The following EGFLAM variants were observed in gnomAD, a reference collection of about 807,000 sequenced individuals.
EGFLAM encodes the protein pikachurin.
A neutral mutation model predicts 113.1 loss-of-function variants in EGFLAM; 79 were observed. That is an observed-to-expected ratio of 0.70 (90% CI 0.58 to 0.84). The LOEUF (loss-of-function observed/expected upper bound fraction) is 0.84, where lower values mean the gene tolerates loss of function less well. Among genes scored for constraint, EGFLAM ranks in the 40% least tolerant of loss-of-function variants. The probability of loss-of-function intolerance (pLI) is 0.00; values close to 1 mark genes in which losing one functional copy is unlikely to be tolerated. For missense variants in EGFLAM, 1,265 were observed against 1,291.6 expected (o/e 0.98, Z 0.32); for synonymous variants, 504 against 487.6 (o/e 1.03, Z -0.44).
chr5:38,309,720 G>T (rs2111853867), intron 1 of EGFLAM, among the ~76,000 whole-genome samples: 1 of 152,272 alleles, frequency 6.6e-6, no homozygotes, highest in Non-Finnish European at 1.5e-5. Flanking sequence ...CCGTGTGGCT[G>T]GTGTCTGAGA....
chr5:38,434,140 G>A (rs1166559238), intron 15 of EGFLAM, among the ~76,000 whole-genome samples: 1 of 152,130 alleles, frequency 6.6e-6, no homozygotes, highest in African/African-American at 2.4e-5. Flanking sequence ...GGTGTGTAAG[G>A]CTCTGCATGC....
chr5:38,384,700 G>A (rs542610570), intron 6 of EGFLAM, among the ~76,000 whole-genome samples: 49 of 152,262 alleles, frequency 3.2e-4, no homozygotes, highest in African/African-American at 1.1e-3. Flanking sequence ...CCCAACAGAG[G>A]TTAAGAAAGT....
chr5:38,334,913 G>A (rs1739144645), intron 1 of EGFLAM, among the ~76,000 whole-genome samples: 1 of 152,096 alleles, frequency 6.6e-6, no homozygotes, highest in East Asian at 1.9e-4. Context: ...TTGCCCCTTG[G>A]GGAGCATTTG....
chr5:38,312,916 C>T (rs980383794), intron 1 of EGFLAM, among the ~76,000 whole-genome samples: 3 of 152,042 alleles, frequency 2.0e-5, no homozygotes, highest in East Asian at 3.9e-4. Flanking sequence ...GGTAAAAACC[C>T]CTCTGTAGTA....
chr5:38,332,745 T>C (rs551643612), intron 1 of EGFLAM, among the ~76,000 whole-genome samples: 105 of 152,366 alleles, frequency 6.9e-4, no homozygotes, highest in African/African-American at 2.5e-3. Context: ...AGCAGGAGCA[T>C]GTCCTTAAGA....
chr5:38,316,464 C>G lies in EGFLAM; in HGVS notation c.98-21056C>G, dbSNP rs142691182. On this transcript the variant is annotated intron_variant, in intron 1 of 21. Transcript: ENST00000322350. Reference sequence around the variant, plus strand: ...ACTTCTCTGTTTCTCAGATTCCTCACTCCTAAAATAGGACAATAATAGTGC... The same window carrying G: ...ACTTCTCTGTTTCTCAGATTCCTCAGTCCTAAAATAGGACAATAATAGTGC... 1.8e-3 allele frequency among the ~76,000 whole-genome samples: 273 copies of G among 152,282 alleles called. 1 individual carries two copies. The highest frequency in any genetic ancestry group is 6.2e-3 in the African/African-American group (259 of 41,558).
At chr5:38,274,071 T>A (rs1757828240) in intron 1 of EGFLAM, among the ~76,000 whole-genome samples, 1 of 151,720 alleles carries the variant, frequency 6.6e-6, no homozygotes, top group East Asian at 1.9e-4. Context: ...ATGAACAAAA[T>A]GAAAAATATA....
chr5:38,420,523 ATAG>A (rs942443120), intron 12 of EGFLAM, among the ~76,000 whole-genome samples: 1 of 152,218 alleles, frequency 6.6e-6, no homozygotes, highest in African/African-American at 2.4e-5. Context: ...CCATCTAGAA[ATAG>A]TAGCTGCCTC....
intron 6 of EGFLAM, among the ~76,000 whole-genome samples, chr5:38,394,125 C>T (rs1350864042): frequency 6.6e-6 from 1 of 151,856 alleles, no homozygotes. Flanking sequence ...CTCTGCTCAC[C>T]GTTCAGCTGC....
chr5:38,357,602 G>A (rs1739796308), intron 5 of EGFLAM, among the ~76,000 whole-genome samples: 1 of 152,040 alleles, frequency 6.6e-6, no homozygotes, highest in Admixed American at 6.6e-5. Flanking sequence ...GAGCCAAAAG[G>A]TCCTTATTAT....
intron 19 of EGFLAM, among the ~76,000 whole-genome samples, chr5:38,453,971 C>G (rs919330385): frequency 6.6e-6 from 1 of 152,224 alleles, no homozygotes; most frequent in Non-Finnish European, 1.5e-5. Context: ...GTTACCATTT[C>G]TTTCTCAGGA....
In EGFLAM at chr5:38,464,122, A is replaced by G. The variant is rs1049734337; in HGVS notation, c.*136A>G. On this transcript the variant is annotated 3_prime_UTR_variant, in exon 22 of 22. Coordinates refer to ENST00000322350, the MANE Select transcript of EGFLAM (RefSeq NM_152403.4). ...CTCACCAAGAAGAAAGTACACACTG[A>G]TGAGAAACTGAGAACCAAGACAGGC... The G allele has an allele frequency of 5.5e-5, 65 of 1,192,178 alleles. No homozygotes were observed. The East Asian group carries it at 1.6e-3, about 30-fold the overall frequency. 73.8% of individuals were successfully genotyped at this position (1,192,178 alleles called of 1,614,324 possible). A position where few individuals can be genotyped will look rare whatever the true frequency, so the allele number is the denominator to read the frequency against.
At chr5:38,407,984 G>A in intron 9 of EGFLAM, 79 bp downstream of exon 9, 1 of 1,170,814 alleles carries the variant, frequency 8.5e-7, no homozygotes, top group South Asian at 1.3e-5. Flanking sequence ...GGCTGGGGGA[G>A]AGGAAGCGGG....
rs768460354 is a variant in EGFLAM, at chr5:38,435,247, C to T, written c.2277C>T (p.Ile759=). 1.7e-5 allele frequency: 28 copies of T among 1,612,674 alleles called. No homozygotes were observed. The South Asian group carries it at 3.1e-4, about 18-fold the overall frequency. Reference sequence around the variant, plus strand: ...TCCTGAAGCCTTTCAGCGGGAGCATCCAGAAGGTACAGGCATCTCTTCCTC... The same window carrying T: ...TCCTGAAGCCTTTCAGCGGGAGCATTCAGAAGGTACAGGCATCTCTTCCTC... ...SGVLKPFSGS[I]QKIILNDRTI... is the part of the protein sequence containing the mutation. Residue 759 remains isoleucine, a synonymous_variant, in exon 16 of 22, where the codon ATC becomes ATT. Transcript: ENST00000322350.
chr5:38,453,720 C>T (rs1466979684), intron 19 of EGFLAM, among the ~76,000 whole-genome samples: 1 of 152,126 alleles, frequency 6.6e-6, no homozygotes, highest in African/African-American at 2.4e-5. Context: ...TGTGGTTAAC[C>T]TCATCAAGGC....
intron 9 of EGFLAM, among the ~76,000 whole-genome samples, chr5:38,408,723 G>T (rs1741374041): frequency 6.6e-6 from 1 of 152,218 alleles, no homozygotes. Flanking sequence ...CTGAGGCTCT[G>T]CAGGTGCATC....
intron 5 of EGFLAM, among the ~76,000 whole-genome samples, chr5:38,368,309 C>T (rs1376832796): frequency 2.0e-5 from 3 of 152,198 alleles, no homozygotes; most frequent in Non-Finnish European, 4.4e-5. Context: ...CATGAGAATT[C>T]CATCTTTGGG....
At chr5:38,361,608 T>C (rs1313159685) in intron 5 of EGFLAM, among the ~76,000 whole-genome samples, 2 of 151,124 alleles carry the variant, frequency 1.3e-5, no homozygotes, top group Admixed American at 6.6e-5. Context: ...ACACTAACGA[T>C]AGCTGATGAA....
chr5:38,334,790 C>T (rs916305031), intron 1 of EGFLAM, among the ~76,000 whole-genome samples: 1 of 152,112 alleles, frequency 6.6e-6, no homozygotes, highest in Non-Finnish European at 1.5e-5. Context: ...CTCATGTACA[C>T]CACTATAAAC....
Sources: gnomAD v4.1 joint callset for allele counts (sites outside exome capture counted in the v4.1 genomes callset) on GRCh38, gnomAD v4.1.1 for gene constraint, MANE v1.5 for transcripts, NCBI Gene and HGNC (gene_info 2026-07-23, HGNC 2026-07-21) for gene names.